Variants in PRKAR2A observed in about 807,000 individuals in gnomAD.
The protein encoded by PRKAR2A is cAMP-dependent protein kinase type II-alpha regulatory subunit.
Under a neutral mutation model 51.9 loss-of-function variants are expected in PRKAR2A, and 29 were observed. That is an observed-to-expected ratio of 0.56 (90% CI 0.42 to 0.76). The LOEUF is 0.76. Ranked by LOEUF, PRKAR2A falls within the 30% of genes least tolerant of loss-of-function variation. The pLI, the probability that PRKAR2A is intolerant of heterozygous loss-of-function variation, is 0.00. For synonymous variants in PRKAR2A, 178 were observed against 186.2 expected (o/e 0.96, Z 0.36); for missense variants, 445 against 512.1 (o/e 0.87, Z 1.26).
chr3:48,775,560 C>G (rs1350411294), intron 5 of PRKAR2A, among the ~76,000 whole-genome samples: 1 of 149,702 alleles, frequency 6.7e-6, no homozygotes, highest in Non-Finnish European at 1.5e-5. Flanking sequence ...CAACATACCA[C>G]TGAGGGAAAC....
intron 1 of PRKAR2A, among the ~76,000 whole-genome samples, chr3:48,821,367 C>T: frequency 6.6e-6 from 1 of 152,214 alleles, no homozygotes; most frequent in South Asian, 2.1e-4. Flanking sequence ...CACTCCCTTC[C>T]AGCTATTGCT....
intron 4 of PRKAR2A, among the ~76,000 whole-genome samples, chr3:48,788,018 A>G (rs1294075523): frequency 6.6e-6 from 1 of 152,068 alleles, no homozygotes; most frequent in African/African-American, 2.4e-5. Flanking sequence ...AAATTTTTAA[A>G]TGTTTTTAAT....
At position 48,813,172 on chromosome 3, in the gene PRKAR2A, G is replaced by T. The variant is rs35741290; in HGVS notation, c.263-5488C>A. ...CTCACACCTGTAATCCCAGCAAGAG[G>T]ACTGCTGAGACCAAGGGTTCGAGAC... On this transcript the variant is annotated intron_variant, in intron 1 of 10. Transcript: ENST00000265563. 1.3e-3 allele frequency among the ~76,000 whole-genome samples: 187 copies of T among 149,450 alleles called. 1 individual carries two copies. Among genetic ancestry groups the T allele is most frequent in the Non-Finnish European group, 2.1e-3 (139 of 67,730 alleles).
At chr3:48,808,206 C>T (rs1479016916) in intron 1 of PRKAR2A, among the ~76,000 whole-genome samples, 5 of 151,252 alleles carry the variant, frequency 3.3e-5, no homozygotes, top group Non-Finnish European at 7.4e-5. Context: ...CGCCACCATG[C>T]CCGGCTATAT....
At chr3:48,809,595 C>CA (rs57623385) in intron 1 of PRKAR2A, among the ~76,000 whole-genome samples, 657 of 49,356 alleles carry the variant, frequency 0.013, 79 homozygotes, top group African/African-American at 0.041. Flanking sequence ...GACTCCATCT[C>CA]AAAAAAAAAA....
intron 6 of PRKAR2A, among the ~76,000 whole-genome samples, chr3:48,767,440 C>T (rs1258895312): frequency 6.6e-6 from 1 of 151,964 alleles, no homozygotes; most frequent in Non-Finnish European, 1.5e-5. Context: ...GATCATGCCA[C>T]TGCACTCCAG....
intron 2 of PRKAR2A, among the ~76,000 whole-genome samples, chr3:48,806,639 G>C (rs1458425552): frequency 1.3e-5 from 2 of 151,228 alleles, no homozygotes; most frequent in South Asian, 2.1e-4. Flanking sequence ...AATTTCAAAA[G>C]GTCAAAAACT....
chr3:48,778,170 G>GA (rs1279235978), intron 5 of PRKAR2A, among the ~76,000 whole-genome samples: 1 of 151,844 alleles, frequency 6.6e-6, no homozygotes, highest in Non-Finnish European at 1.5e-5. Flanking sequence ...TTTCTTTTTT[G>GA]TTTTGTAGAG....
Position 48,751,469 on chromosome 3 carries a change from G to T in PRKAR2A, c.*116C>A. 1 of 1,439,482 alleles carries T rather than the reference G, an allele frequency of 6.9e-7. No individual in the cohort carries two copies. Among genetic ancestry groups the T allele is most frequent in the Non-Finnish European group, 9.7e-7 (1 of 1,032,308 alleles). 89.2% of individuals were successfully genotyped at this position (1,439,482 alleles called of 1,614,324 possible). The stretch of plus-strand genomic sequence containing the variant: ...TCTAAATGCCCATAACCACAGCAAT[G>T]GCAGCAGTGGCGGCAACGGCAGGAA... On this transcript the variant is annotated 3_prime_UTR_variant, in exon 11 of 11. Transcript: ENST00000265563.
At chr3:48,794,111 A>C in intron 2 of PRKAR2A, 62 bp from the exon 3 acceptor site, 6 of 1,287,356 alleles carry the variant, frequency 4.7e-6, no homozygotes, top group Non-Finnish European at 6.6e-6. Flanking sequence ...TTTAGGAAAA[A>C]TAGGAAGTGA....
intron 8 of PRKAR2A, among the ~76,000 whole-genome samples, chr3:48,762,461 T>TA (rs906351345): frequency 3.3e-5 from 5 of 152,090 alleles, no homozygotes; most frequent in African/African-American, 7.2e-5. Context: ...CCATTTCTAC[T>TA]AAAAAAACAC....
chr3:48,746,464 G>T (rs893662308), downstream of PRKAR2A: 1 of 151,732 alleles, frequency 6.6e-6, no homozygotes, highest in Non-Finnish European at 1.5e-5. Flanking sequence ...ATTTTCAAGG[G>T]CTCATACCCT....
intron 1 of PRKAR2A, among the ~76,000 whole-genome samples, chr3:48,844,840 G>A (rs968264522): frequency 1.7e-5 from 2 of 116,424 alleles, no homozygotes; most frequent in African/African-American, 6.4e-5. Flanking sequence ...ACTGTTGTGG[G>A]GTGGGGGGAG....
intron 1 of PRKAR2A, among the ~76,000 whole-genome samples, chr3:48,843,675 A>G (rs1490538346): frequency 6.6e-6 from 1 of 152,164 alleles, no homozygotes; most frequent in Non-Finnish European, 1.5e-5. Context: ...CCTCAGAAAT[A>G]ACTCCGCATA....
At chr3:48,799,594 C>G (rs2082551426) in intron 2 of PRKAR2A, among the ~76,000 whole-genome samples, 1 of 152,006 alleles carries the variant, frequency 6.6e-6, no homozygotes, top group Non-Finnish European at 1.5e-5. Context: ...GGACAAAAAT[C>G]AGTATTTTAT....
rs867564918 is a variant in PRKAR2A at position 48,847,854 on chromosome 3, C to T, written c.-258G>A. 156 of 337,216 alleles carry T rather than the reference C, an allele frequency of 4.6e-4. No homozygotes were observed. The highest frequency in any genetic ancestry group is 1.3e-4 in the South Asian group (1 of 7,932). The allele number at this position is 337,216 out of a possible 1,614,324, so 20.9% of individuals were successfully genotyped here. ...CCGACGGGCAGGCGAGCTGGACGGG[C>T]GGGGCAGGCGTCCTGGTTGTGACGC... On this transcript the variant is annotated 5_prime_UTR_variant, in exon 1 of 11. Coordinates refer to ENST00000265563, the MANE Select transcript of PRKAR2A (RefSeq NM_004157.4). The surrounding 1 kb of genome is among the most constrained non-coding windows in gnomAD (Gnocchi z 4.4).
At chr3:48,827,115 T>G (rs1477967612) in intron 1 of PRKAR2A, among the ~76,000 whole-genome samples, 1 of 152,112 alleles carries the variant, frequency 6.6e-6, no homozygotes. Context: ...AATTCTCTGA[T>G]GATGGCTACA....
intron 8 of PRKAR2A, among the ~76,000 whole-genome samples, chr3:48,759,247 T>C (rs1321957156): frequency 2.6e-5 from 4 of 152,216 alleles, no homozygotes; most frequent in Non-Finnish European, 2.9e-5. Flanking sequence ...ACACATTTCC[T>C]GTTTCCATGC....
In PRKAR2A at chr3:48,847,409, G is replaced by T. The variant is rs751119335; in HGVS notation, c.188C>A (p.Pro63Gln). Residue 63 changes from proline (P) to glutamine (Q), a missense_variant, in exon 1 of 11, where the codon CCG becomes CAG. Pro to Gln is a moderately conservative substitution (Grantham distance 76). Transcript: ENST00000265563. The surrounding 1 kb of genome is among the most constrained non-coding windows in gnomAD (Gnocchi z 4.4). ...ATPRQSLGHPPPEPGPDRVAD... is the reference protein window; with the variant it reads ...ATPRQSLGHPQPEPGPDRVAD... ...GACACGGTCCGGGCCGGGTTCTGGC[G>T]GGGGGTGGCCCAGGCTCTGGCGTGG... 4 of 1,603,030 alleles carry T rather than the reference G, an allele frequency of 2.5e-6. No homozygotes were observed. In the South Asian group the frequency reaches 4.5e-5, roughly 18 times the overall value.
Sources: allele counts gnomAD v4.1 joint callset (sites outside exome capture counted in the v4.1 genomes callset), GRCh38; gene constraint gnomAD v4.1.1; non-coding constraint Gnocchi (gnomAD v3.1); transcripts MANE v1.5; gene names NCBI Gene and HGNC (gene_info 2026-07-23, HGNC 2026-07-21).